The following SLC16A9 variants were observed in gnomAD, a reference collection of about 807,000 sequenced individuals.
SLC16A9 encodes monocarboxylate transporter 9.
In SLC16A9, 26 loss-of-function variants were observed where a neutral mutation model predicts 44.3. The ratio of observed to expected loss-of-function variants is 0.59; its 90% CI spans 0.43 to 0.81. The LOEUF (loss-of-function observed/expected upper bound fraction) is 0.81, where lower values mean the gene tolerates loss of function less well. Ranked by LOEUF, SLC16A9 falls within the 40% of genes least tolerant of loss-of-function variation. SLC16A9 has a pLI of 0.00. For missense variants in SLC16A9, 559 were observed against 595.8 expected (o/e 0.94, Z 0.64); for synonymous variants, 230 against 225.1 (o/e 1.02, Z -0.19).
chr10:59,675,319 T>C (rs1039642834), intron 2 of SLC16A9, among the ~76,000 whole-genome samples: 3 of 152,154 alleles, frequency 2.0e-5, no homozygotes, highest in African/African-American at 4.8e-5. Flanking sequence ...AATAGTTCAA[T>C]TGGGATCTTA....
chr10:59,651,245 C>T lies in SLC16A9; in HGVS notation c.*1527G>A, dbSNP rs903271472. ...GTTTATAAAGTGCTTCAGGCGCCTT[C>T]GAAGAAAGGCAACATACAAGTATAA... On this transcript the variant is annotated 3_prime_UTR_variant, in exon 6 of 6. Coordinates refer to ENST00000395348, the MANE Select transcript of SLC16A9 (RefSeq NM_194298.3). 5.3e-5 allele frequency: 8 copies of T among 151,896 alleles called. No individual in the cohort carries two copies. The highest frequency in any genetic ancestry group is 2.1e-4 in the South Asian group (1 of 4,812). 9.4% of individuals were successfully genotyped at this position (151,896 alleles called of 1,614,324 possible).
intron 2 of SLC16A9, among the ~76,000 whole-genome samples, chr10:59,678,285 C>T (rs891099630): frequency 2.0e-5 from 3 of 151,854 alleles, no homozygotes; most frequent in African/African-American, 7.3e-5. Flanking sequence ...ACCTTTCCAT[C>T]TAAAATTCAG....
intron 3 of SLC16A9, among the ~76,000 whole-genome samples, chr10:59,669,499 T>C: frequency 6.6e-6 from 1 of 152,226 alleles, no homozygotes; most frequent in African/African-American, 2.4e-5. Flanking sequence ...AGAGAATGCA[T>C]GATGCTACAA....
chr10:59,692,760 T>C (rs1840279290), intron 1 of SLC16A9, among the ~76,000 whole-genome samples: 1 of 152,210 alleles, frequency 6.6e-6, no homozygotes, highest in Non-Finnish European at 1.5e-5. Flanking sequence ...ATTTATTCTA[T>C]ACCACCTCAG....
intron 1 of SLC16A9, among the ~76,000 whole-genome samples, chr10:59,707,244 AGAGGGGAGGGCAGAG>A (rs1318681530): frequency 7.7e-6 from 1 of 130,544 alleles, no homozygotes; most frequent in Non-Finnish European, 1.6e-5. Context: ...GGGAAGGAAA[AGAGGGGAGGGCAGAG>A]GAGGGGAGGG....
intron 4 of SLC16A9, among the ~76,000 whole-genome samples, chr10:59,661,693 C>A (rs1458570537): frequency 1.3e-5 from 2 of 152,140 alleles, no homozygotes; most frequent in South Asian, 4.1e-4. Flanking sequence ...ATAGCCAAGA[C>A]AATTCTAAGC....
chr10:59,697,986 CAA>C lies in SLC16A9; in HGVS notation c.-37+11491_-37+11492del, dbSNP rs1461970789. On this transcript the variant is annotated intron_variant, in intron 1 of 5. Coordinates refer to ENST00000395348, the MANE Select transcript of SLC16A9 (RefSeq NM_194298.3). ...GTAAAAAAAAAAACAAAAAACAAAA[CAA>C]AACAAAAAACCCTCAATAAATGTTA... Among the ~76,000 whole-genome samples the C allele has an allele frequency of 6.4e-5, 9 of 141,192 alleles. No individual in the cohort carries two copies. The East Asian group carries it at 1.9e-3, about 29-fold the overall frequency. The allele number at this position is 141,192 out of a possible 152,430, so 92.6% of individuals were successfully genotyped here.
At chr10:59,674,528 C>T (rs1156811136) in intron 2 of SLC16A9, among the ~76,000 whole-genome samples, 2 of 152,150 alleles carry the variant, frequency 1.3e-5, no homozygotes, top group Admixed American at 1.3e-4. Flanking sequence ...AAAGGAAAAT[C>T]CATTTGAAAG....
chr10:59,661,470 A>C (rs1839473409), intron 4 of SLC16A9, among the ~76,000 whole-genome samples: 1 of 152,208 alleles, frequency 6.6e-6, no homozygotes, highest in Non-Finnish European at 1.5e-5. Context: ...AAGGAGAACT[A>C]CAAACCACTG....
rs772294186 is a variant in SLC16A9 at position 59,651,936 on chromosome 10, G to A, written c.*836C>T. ...TGGATGTTTCCCATTTGCCAGAACG[G>A]AATGATTGAGAAATGTGTTTCCAAT... On this transcript the variant is annotated 3_prime_UTR_variant, in exon 6 of 6. Transcript: ENST00000395348. 4 of 152,206 alleles carry A rather than the reference G, an allele frequency of 2.6e-5. No homozygotes were observed. The highest frequency in any genetic ancestry group is 4.4e-5 in the Non-Finnish European group (3 of 68,036). The allele number at this position is 152,206 out of a possible 1,614,324, so 9.4% of individuals were successfully genotyped here.
intron 1 of SLC16A9, among the ~76,000 whole-genome samples, chr10:59,690,743 A>G (rs1382469482): frequency 6.6e-6 from 1 of 152,072 alleles, no homozygotes; most frequent in Non-Finnish European, 1.5e-5. Context: ...GTTTCTACAT[A>G]TTGTAGAATT....
intron 2 of SLC16A9, among the ~76,000 whole-genome samples, chr10:59,675,679 A>G (rs1002431902): frequency 1.3e-5 from 2 of 152,140 alleles, no homozygotes; most frequent in Non-Finnish European, 2.9e-5. Context: ...GTAAAGGAAA[A>G]CTGCCCCTAC....
At chr10:59,657,761 A>G (rs1313301680) in intron 4 of SLC16A9, among the ~76,000 whole-genome samples, 1 of 152,210 alleles carries the variant, frequency 6.6e-6, no homozygotes, top group Non-Finnish European at 1.5e-5. Flanking sequence ...CCTTACACAT[A>G]CATCCCTTTC....
intron 3 of SLC16A9, among the ~76,000 whole-genome samples, chr10:59,672,495 TC>T (rs1461825229): frequency 6.6e-6 from 1 of 152,214 alleles, no homozygotes; most frequent in Non-Finnish European, 1.5e-5. Context: ...CTCTCACTTT[TC>T]CCATATGTGC....
chr10:59,663,935 A>G (rs1839543892), intron 4 of SLC16A9, among the ~76,000 whole-genome samples: 1 of 151,538 alleles, frequency 6.6e-6, no homozygotes, highest in South Asian at 2.1e-4. Flanking sequence ...GTAAAAATGT[A>G]TTAATGTTAT....
At chr10:59,696,327 A>T (rs938612883) in intron 1 of SLC16A9, among the ~76,000 whole-genome samples, 2 of 152,174 alleles carry the variant, frequency 1.3e-5, no homozygotes, top group Non-Finnish European at 2.9e-5. Context: ...GCTGGTTTCC[A>T]GCTCCTAACC....
intron 3 of SLC16A9, among the ~76,000 whole-genome samples, chr10:59,671,484 A>C (rs1269100515): frequency 2.6e-5 from 4 of 152,228 alleles, no homozygotes; most frequent in African/African-American, 9.6e-5. Flanking sequence ...GAGTGGGCTT[A>C]CATGGGCACG....
In SLC16A9 at chr10:59,651,295, A is replaced by C. The variant is rs1839192652; in HGVS notation, c.*1477T>G. ...AAATAATCATACAAATTTCAAAATA[A>C]ATGAAAAGATGATTTTGGCACAATG... On this transcript the variant is annotated 3_prime_UTR_variant, in exon 6 of 6. Transcript: ENST00000395348. 6.6e-6 allele frequency: 1 copy of C among 152,250 alleles called. No homozygotes were observed. The allele number at this position is 152,250 out of a possible 1,614,324, so 9.4% of individuals were successfully genotyped here.
At chr10:59,678,900 G>T (rs1052753925) in intron 2 of SLC16A9, among the ~76,000 whole-genome samples, 4 of 152,108 alleles carry the variant, frequency 2.6e-5, no homozygotes, top group Non-Finnish European at 1.5e-5. Context: ...GAATCCTTGA[G>T]AGAAGCAGGA....
Sources: allele counts gnomAD v4.1 joint callset (sites outside exome capture counted in the v4.1 genomes callset), GRCh38; gene constraint gnomAD v4.1.1; transcripts MANE v1.5; gene names NCBI Gene and HGNC (gene_info 2026-07-23, HGNC 2026-07-21).